Variants in NPHP4 observed in about 807,000 individuals in gnomAD.
The protein encoded by NPHP4 is nephrocystin 4.
A neutral mutation model predicts 155.8 loss-of-function variants in NPHP4; 151 were observed. That is an observed-to-expected ratio of 0.97 (90% CI 0.85 to 1.11). The LOEUF (loss-of-function observed/expected upper bound fraction) is 1.11, where lower values mean the gene tolerates loss of function less well. NPHP4 is among the 50% of genes least tolerant of loss of function. The pLI is 0.00. For missense variants in NPHP4, 1,956 were observed against 1,925.7 expected (o/e 1.02, Z -0.29); for synonymous variants, 845 against 816.8 (o/e 1.03, Z -0.59).
intron 3 of NPHP4, among the ~76,000 whole-genome samples, chr1:5,975,379 G>T (rs561414327): frequency 6.6e-5 from 10 of 152,318 alleles, no homozygotes; most frequent in African/African-American, 2.4e-4. Context: ...ACGGGGCATA[G>T]CAGCTGCAGA....
chr1:5,962,647 G>A (rs549414573), intron 5 of NPHP4, among the ~76,000 whole-genome samples: 10 of 152,332 alleles, frequency 6.6e-5, no homozygotes, highest in African/African-American at 2.4e-4. Flanking sequence ...GACCAAACAC[G>A]TGGATACCCA....
chr1:5,888,217 C>T (rs1286224277), intron 17 of NPHP4: 1 of 543,344 alleles, frequency 1.8e-6, no homozygotes, highest in Non-Finnish European at 2.3e-6. Context: ...GGCTCTTCTG[C>T]TGATCAGATT....
At chr1:5,896,502 T>G (rs1644402260) in intron 16 of NPHP4, among the ~76,000 whole-genome samples, 1 of 152,188 alleles carries the variant, frequency 6.6e-6, no homozygotes. Flanking sequence ...GCAGTGTCAT[T>G]GTGAAAATGC....
chr1:5,947,178 C>A lies in NPHP4; in HGVS notation c.1045G>T (p.Val349Phe), dbSNP rs572460781. The change falls in exon 9 of 30, where the codon GTC (valine) becomes TTC (phenylalanine). Residue 349 changes from valine (V) to phenylalanine (F), a missense_variant. Physicochemically the swap from Val to Phe is conservative, Grantham distance 50 (BLOSUM62 -1). Coordinates refer to ENST00000378156, the MANE Select transcript of NPHP4 (RefSeq NM_015102.5). ...ATGACCGCAAATGCAGGGTGGCCGA[C>A]CATCTCTGGGAGGCGGAGGCGGCTT... is the stretch of plus-strand genomic sequence containing the variant. ...LRSRLRLPEMVGHPAFAVIFQ... is the reference protein window; with the variant it reads ...LRSRLRLPEMFGHPAFAVIFQ... 1.6e-5 allele frequency: 26 copies of A among 1,613,844 alleles called. No homozygotes were observed. The highest frequency in any genetic ancestry group is 2.1e-5 in the Non-Finnish European group (25 of 1,179,884).
chr1:5,920,601 G>A (rs543560201), intron 11 of NPHP4, among the ~76,000 whole-genome samples: 3 of 152,248 alleles, frequency 2.0e-5, no homozygotes, highest in African/African-American at 4.8e-5. Context: ...AGGCAGCCCC[G>A]AGCACCTGGA....
intron 1 of NPHP4, among the ~76,000 whole-genome samples, chr1:5,989,671 C>T (rs1655956947): frequency 6.6e-6 from 1 of 152,192 alleles, no homozygotes; most frequent in Admixed American, 6.5e-5. Flanking sequence ...CAATGCAGGC[C>T]GTGATGGCCC....
In NPHP4 at chr1:5,880,365, C is replaced by G; in HGVS notation, c.2486-126G>C. On this transcript the variant is annotated intron_variant, in intron 18 of 29. Transcript: ENST00000378156. ...ATCTACACCCTGACACGCTAAGGCCCCACCGCCTCTGTTTTGAATGTTTTG... is the reference window on the plus strand; with the variant it reads ...ATCTACACCCTGACACGCTAAGGCCGCACCGCCTCTGTTTTGAATGTTTTG... The G allele has an allele frequency of 1.8e-5, 16 of 894,170 alleles. No homozygotes were observed. The South Asian group carries it at 2.6e-4, about 15-fold the overall frequency. The allele number at this position is 894,170 out of a possible 1,614,324, so 55.4% of individuals were successfully genotyped here. A position where few individuals can be genotyped will look rare whatever the true frequency, so the allele number is the denominator to read the frequency against.
At chr1:5,875,572 G>C (rs1177273367) in intron 20 of NPHP4, among the ~76,000 whole-genome samples, 1 of 152,210 alleles carries the variant, frequency 6.6e-6, no homozygotes, top group Non-Finnish European at 1.5e-5. Flanking sequence ...TCAGAGTCCA[G>C]GCAAGCAGCA....
At chr1:5,906,605 T>C (rs940198163) in intron 13 of NPHP4, among the ~76,000 whole-genome samples, 2 of 152,262 alleles carry the variant, frequency 1.3e-5, no homozygotes, top group Non-Finnish European at 1.5e-5. Flanking sequence ...AGACCAAAGA[T>C]GCAGTTTGCA....
Position 5,867,852 on chromosome 1 carries a change from G to A in NPHP4, c.3360C>T (p.Cys1120=), listed in dbSNP as rs188869698. The A allele has an allele frequency of 1.2e-5, 20 of 1,613,928 alleles. No individual in the cohort carries two copies. The highest frequency in any genetic ancestry group is 1.6e-4 in the Middle Eastern group (1 of 6,062). ...CGTGGGGCTGCAGCTCCACAGTCAG[G>A]CAGAGCACGGCGATGGGCTTGCCAC... ...ASGGKPIAVL[C]LTVELQPHVV... is the part of the protein sequence containing the mutation. Residue 1120 remains cysteine (C), a synonymous_variant, in exon 24 of 30, where the codon TGC becomes TGT. Transcript: ENST00000378156. This position sits in a 1 kb window ranked among gnomAD's most constrained non-coding sequence, Gnocchi z 4.1.
chr1:5,935,987 G>A (rs1016923370), intron 9 of NPHP4, among the ~76,000 whole-genome samples: 2 of 152,180 alleles, frequency 1.3e-5, no homozygotes, highest in African/African-American at 2.4e-5. Flanking sequence ...ATACAGAAGT[G>A]TATTATTACA....
At chr1:5,896,110 A>G (rs1447177007) in intron 16 of NPHP4, among the ~76,000 whole-genome samples, 1 of 152,236 alleles carries the variant, frequency 6.6e-6, no homozygotes, top group Non-Finnish European at 1.5e-5. Flanking sequence ...TTATTTTTGA[A>G]AAAACAAATC....
At chr1:5,884,006 T>C (rs1643544437) in intron 18 of NPHP4, among the ~76,000 whole-genome samples, 1 of 152,170 alleles carries the variant, frequency 6.6e-6, no homozygotes, top group African/African-American at 2.4e-5. Context: ...TCTTACTATA[T>C]TTCTACTTAG....
intron 6 of NPHP4, among the ~76,000 whole-genome samples, chr1:5,961,297 G>C (rs1045845810): frequency 6.6e-6 from 1 of 152,170 alleles, no homozygotes; most frequent in African/African-American, 2.4e-5. Flanking sequence ...CTTCAGCCGG[G>C]GAAGAGGAAA....
chr1:5,961,125 C>T (rs1171603909), intron 6 of NPHP4, among the ~76,000 whole-genome samples: 1 of 152,206 alleles, frequency 6.6e-6, no homozygotes, highest in Admixed American at 6.5e-5. Flanking sequence ...AGCAATTCCC[C>T]TCTCTTCCTA....
Position 5,967,375 on chromosome 1 carries a change from G to A in NPHP4, c.453-12C>T, listed in dbSNP as rs1250782387. Reference sequence around the variant, plus strand: ...GGTACAGCCGCAACCTGGAAGACAGGACCCAGAGAACAGTCGTCAGCCACG... The same window carrying A: ...GGTACAGCCGCAACCTGGAAGACAGAACCCAGAGAACAGTCGTCAGCCACG... On this transcript the variant is annotated splice_polypyrimidine_tract_variant and intron_variant, in intron 4 of 29. Coordinates refer to ENST00000378156, the MANE Select transcript of NPHP4 (RefSeq NM_015102.5). 11 of 1,601,360 alleles carry A rather than the reference G, an allele frequency of 6.9e-6. No homozygotes were observed. Among genetic ancestry groups the A allele is most frequent in the East Asian group, 2.3e-5 (1 of 44,406 alleles).
At chr1:5,933,552 C>G (rs1301652828) in intron 9 of NPHP4, among the ~76,000 whole-genome samples, 1 of 152,162 alleles carries the variant, frequency 6.6e-6, no homozygotes, top group Non-Finnish European at 1.5e-5. Context: ...ATGACCCCAC[C>G]GACCCAGTCA....
chr1:5,978,701 C>T (rs944717423), intron 2 of NPHP4, among the ~76,000 whole-genome samples: 3 of 152,200 alleles, frequency 2.0e-5, no homozygotes, highest in Non-Finnish European at 2.9e-5. Flanking sequence ...ACAGGAGACA[C>T]ATGCGCCTGC....
At chr1:5,864,072 A>G in intron 28 of NPHP4, 39 bp from the exon 29 acceptor site, 3 of 1,603,994 alleles carry the variant, frequency 1.9e-6, no homozygotes, top group South Asian at 1.1e-5. Flanking sequence ...GCGGCCACTC[A>G]CGGGAACAGC....
Sources: allele counts gnomAD v4.1 joint callset (sites outside exome capture counted in the v4.1 genomes callset), GRCh38; gene constraint gnomAD v4.1.1; non-coding constraint Gnocchi (gnomAD v3.1); transcripts MANE v1.5; gene names NCBI Gene and HGNC (gene_info 2026-07-23, HGNC 2026-07-21).